SLC33A1: variants seen among roughly 807,000 people sequenced by gnomAD.
SLC33A1 encodes solute carrier family 33 member 1, also known as acetyl-coenzyme A transporter 1.
In SLC33A1, 20 loss-of-function variants were observed where a neutral mutation model predicts 50.0. That is an observed-to-expected ratio of 0.40 (90% confidence interval 0.28 to 0.58). The LOEUF (loss-of-function observed/expected upper bound fraction) is 0.58. SLC33A1 is among the 20% of genes least tolerant of loss of function. SLC33A1 has a pLI of 0.44. For synonymous variants in SLC33A1, 265 were observed against 251.8 expected, an observed-to-expected ratio of 1.05 and a Z score of -0.50; for missense variants, 476 against 657.0, an observed-to-expected ratio of 0.72 and a Z score of 3.01.
chr3:155,842,155 C>G (rs1425137231), intron 2 of SLC33A1, among the ~76,000 whole-genome samples: 2 of 152,150 alleles, frequency 1.3e-5, no homozygotes, highest in Non-Finnish European at 2.9e-5. Flanking sequence ...ATATTAATCT[C>G]CATTCCAAGC....
chr3:155,847,873 TTCTC>T (rs1440506767), intron 1 of SLC33A1, among the ~76,000 whole-genome samples: 8 of 152,224 alleles, frequency 5.3e-5, no homozygotes, highest in Admixed American at 5.2e-4. Flanking sequence ...AAGCAACACT[TTCTC>T]TCATTTATTC....
Position 155,833,942 on chromosome 3 carries a change from A to G in SLC33A1, c.1063T>C (p.Leu355=), listed in dbSNP as rs541535125. The change falls in exon 3 of 6, where the codon TTG becomes CTG. Residue 355 remains leucine, a synonymous_variant. Coordinates refer to ENST00000643144, the MANE Select transcript of SLC33A1 (RefSeq NM_004733.4). ...LALLAVPMVP[L]QIILPLIISK... ...ATAATCAGAGGCAGTATTATCTGCA[A>G]AGGAACCATTGGAACTGCCAATAAG... is the stretch of plus-strand genomic sequence containing the variant. 14 of 1,613,860 alleles carry G rather than the reference A, an allele frequency of 8.7e-6. No individual in the cohort carries two copies. In the Admixed American group the frequency reaches 2.0e-4, roughly 23 times the overall value.
chr3:155,851,610 G>T, intron 1 of SLC33A1, among the ~76,000 whole-genome samples: 1 of 151,184 alleles, frequency 6.6e-6, no homozygotes, highest in East Asian at 1.9e-4. Flanking sequence ...CAAAAATGGG[G>T]TTTCGCCATG....
At chr3:155,844,425 G>GTATATATATATATATA (rs869082007) in intron 1 of SLC33A1, among the ~76,000 whole-genome samples, 4 of 33,608 alleles carry the variant, frequency 1.2e-4, no homozygotes, top group African/African-American at 4.9e-4. Flanking sequence ...CTACATAAAG[G>GTATATATATATATATA]TATATATATA....
At chr3:155,835,636 G>T (rs1752622869) in intron 2 of SLC33A1, among the ~76,000 whole-genome samples, 1 of 152,186 alleles carries the variant, frequency 6.6e-6, no homozygotes, top group Non-Finnish European at 1.5e-5. Flanking sequence ...AGCTCAGGCA[G>T]AGAACCTGCC....
chr3:155,849,079 A>T (rs774652324), intron 1 of SLC33A1, among the ~76,000 whole-genome samples: 22 of 151,734 alleles, frequency 1.4e-4, no homozygotes, highest in Non-Finnish European at 2.9e-4. Flanking sequence ...ACACCCGGCT[A>T]ATTTTTTGTA....
In SLC33A1 at chr3:155,854,135, A is replaced by G; in HGVS notation, c.-138T>C. On this transcript the variant is annotated 5_prime_UTR_variant, in exon 1 of 6. Coordinates refer to ENST00000643144, the MANE Select transcript of SLC33A1 (RefSeq NM_004733.4). The stretch of plus-strand genomic sequence containing the variant: ...GATGGTGGCAGGGCTCAGAGCGATA[A>G]GGGCACTTCTTACTGCAGCCCGGAG... 1.6e-6 allele frequency: 1 copy of G among 636,418 alleles called. No homozygotes were observed. 39.4% of individuals were successfully genotyped at this position (636,418 alleles called of 1,614,324 possible).
At chr3:155,850,360 A>G (rs920447236) in intron 1 of SLC33A1, among the ~76,000 whole-genome samples, 1 of 152,128 alleles carries the variant, frequency 6.6e-6, no homozygotes, top group African/African-American at 2.4e-5. Flanking sequence ...ACTGCTGTTT[A>G]TATCACCACA....
chr3:155,851,445 T>C (rs1356315342), intron 1 of SLC33A1, among the ~76,000 whole-genome samples: 1 of 151,150 alleles, frequency 6.6e-6, no homozygotes, highest in African/African-American at 2.4e-5. Context: ...AGAGATGAGG[T>C]CTTGCTGTAT....
chr3:155,838,399 G>A (rs1752785097), intron 2 of SLC33A1, among the ~76,000 whole-genome samples: 1 of 151,744 alleles, frequency 6.6e-6, no homozygotes, highest in African/African-American at 2.4e-5. Context: ...TAGCTGGGTG[G>A]GTCAGGCGTG....
In SLC33A1 at chr3:155,831,027, A is replaced by G. The variant is rs149832038; in HGVS notation, c.1267-1124T>C. Among the ~76,000 whole-genome samples the G allele has an allele frequency of 6.6e-3, 1,006 of 152,300 alleles. 15 individuals carry two copies. Among genetic ancestry groups the G allele is most frequent in the African/African-American group, 0.023 (950 of 41,560 alleles). On this transcript the variant is annotated intron_variant, in intron 4 of 5. Transcript: ENST00000643144. ...AAGACACTAACTTACACAAAATTGA[A>G]AAGGTTCCTTTCATTGTATGCCTTT...
chr3:155,839,007 G>A (rs527242530), intron 2 of SLC33A1, among the ~76,000 whole-genome samples: 1 of 151,800 alleles, frequency 6.6e-6, no homozygotes, highest in East Asian at 1.9e-4. Flanking sequence ...ACAAAAATTA[G>A]GCCAGGTGCA....
rs1378360073 is a variant in SLC33A1 at position 155,824,276 on chromosome 3, A to G, written c.*3934T>C. On this transcript the variant is annotated 3_prime_UTR_variant, in exon 6 of 6. Transcript: ENST00000643144. ...AAGTTATTTCATTTTAGCAGGGTCT[A>G]TGACATACAGCTTTAGTCATTCTTT... 6.6e-6 allele frequency: 1 copy of G among 152,262 alleles called. No homozygotes were observed. Among genetic ancestry groups the G allele is most frequent in the Non-Finnish European group, 1.5e-5 (1 of 68,042 alleles). The allele number at this position is 152,262 out of a possible 1,614,324, so 9.4% of individuals were successfully genotyped here.
chr3:155,823,628 A>G lies in SLC33A1; in HGVS notation c.*4582T>C, dbSNP rs770991551. Reference sequence around the variant, plus strand: ...GAGGTTGCAGTGAGCAGCTTGGGCAACAGAGCCAGACTCCATCTCAAAAAA... The same window carrying G: ...GAGGTTGCAGTGAGCAGCTTGGGCAGCAGAGCCAGACTCCATCTCAAAAAA... On this transcript the variant is annotated 3_prime_UTR_variant, in exon 6 of 6. Coordinates refer to ENST00000643144, the MANE Select transcript of SLC33A1 (RefSeq NM_004733.4). The G allele has an allele frequency of 1.3e-5, 2 of 152,268 alleles. No homozygotes were observed. Among genetic ancestry groups the G allele is most frequent in the Admixed American group, 6.6e-5 (1 of 15,256 alleles). The allele number at this position is 152,268 out of a possible 1,614,324, so 9.4% of individuals were successfully genotyped here. A position where few individuals can be genotyped will look rare whatever the true frequency, so the allele number is the denominator to read the frequency against.
intron 1 of SLC33A1, 123 bp from the exon 2 acceptor site, chr3:155,842,742 C>CT (rs1313422279): frequency 1.7e-6 from 1 of 579,460 alleles, no homozygotes; most frequent in African/African-American, 1.9e-5. Flanking sequence ...AGTACAGGTG[C>CT]TCATGCCTGT....
chr3:155,830,720 ATATT>A (rs1252108397), intron 4 of SLC33A1, among the ~76,000 whole-genome samples: 1 of 152,106 alleles, frequency 6.6e-6, no homozygotes, highest in Non-Finnish European at 1.5e-5. Flanking sequence ...GTATATATAC[ATATT>A]TATATGTATG....
rs549006748 is a variant in SLC33A1, at chr3:155,824,211, G to T, written c.*3999C>A. 2 of 152,178 alleles carry T rather than the reference G, an allele frequency of 1.3e-5. No individual in the cohort carries two copies. Among genetic ancestry groups the T allele is most frequent in the East Asian group, 1.9e-4 (1 of 5,182 alleles). The allele number at this position is 152,178 out of a possible 1,614,324, so 9.4% of individuals were successfully genotyped here. A position where few individuals can be genotyped will look rare whatever the true frequency, so the allele number is the denominator to read the frequency against. ...TTTATTTTCTTTCTCTAATAATAAG[G>T]TAAAATACATTTTGGAAATCTGCAT... On this transcript the variant is annotated 3_prime_UTR_variant, in exon 6 of 6. Transcript: ENST00000643144.
intron 1 of SLC33A1, among the ~76,000 whole-genome samples, chr3:155,852,145 AAAAC>A (rs1047942871): frequency 1.9e-4 from 29 of 152,254 alleles, no homozygotes; most frequent in Admixed American, 9.2e-4. Context: ...ACAAAAGTTA[AAAAC>A]AAACAAACAA....
intron 2 of SLC33A1, among the ~76,000 whole-genome samples, chr3:155,840,331 G>C (rs542910767): frequency 8.2e-4 from 125 of 151,910 alleles, no homozygotes; most frequent in African/African-American, 2.8e-3. Context: ...CAAGTGATCA[G>C]CCCACCTTGG....
Sources: allele counts gnomAD v4.1 joint callset (sites outside exome capture counted in the v4.1 genomes callset), GRCh38; gene constraint gnomAD v4.1.1; transcripts MANE v1.5; gene names NCBI Gene and HGNC (gene_info 2026-07-23, HGNC 2026-07-21).